The following ZNF208 variants were observed in gnomAD, a reference collection of about 807,000 sequenced individuals.
ZNF208 encodes zinc finger protein 95.
A neutral mutation model predicts 12.1 loss-of-function variants in ZNF208; 10 were observed. The ratio of observed to expected loss-of-function variants is 0.83; its 90% CI spans 0.51 to 1.40. The LOEUF (loss-of-function observed/expected upper bound fraction) is 1.40, where lower values mean the gene tolerates loss of function less well. ZNF208 is among the 40% of genes most tolerant of loss of function. ZNF208 has a pLI of 0.00. For synonymous variants in ZNF208, 497 were observed against 488.4 expected (o/e 1.02, Z -0.23); for missense variants, 1,652 against 1,485.0 (o/e 1.11, Z -1.85).
In ZNF208 at chr19:21,998,407, T is replaced by A. The variant is rs767015292; in HGVS notation, c.4-9498A>T. ...CTCCTGACCTCGTGATCCACCTGCC[T>A]CGGCCTCCCAAGTGCTGGGATTACA... On this transcript the variant is annotated intron_variant, in intron 1 of 3. Transcript: ENST00000397126. The A allele has an allele frequency of 7.2e-4, 110 of 152,802 alleles. 1 individual carries two copies. In the Middle Eastern group the frequency reaches 0.01, roughly 14 times the overall value. The allele number at this position is 152,802 out of a possible 1,614,324, so 9.5% of individuals were successfully genotyped here. A position where few individuals can be genotyped will look rare whatever the true frequency, so the allele number is the denominator to read the frequency against.
Position 21,970,847 on chromosome 19 carries a change from TTCAC to T in ZNF208, c.*340_*343del, listed in dbSNP as rs1199373770. On this transcript the variant is annotated 3_prime_UTR_variant, in exon 4 of 4. Transcript: ENST00000397126. ...ACCAGCTGAAGGCTTTGCCACTTTCTTCACATTTGTAGGGTTTCTCTCCAGTATG... is the reference window on the plus strand; with the variant it reads ...ACCAGCTGAAGGCTTTGCCACTTTCTATTTGTAGGGTTTCTCTCCAGTATG... The T allele has an allele frequency of 2.7e-6, 4 of 1,500,966 alleles. No homozygotes were observed. In the East Asian group the frequency reaches 9.1e-5, roughly 34 times the overall value. The allele number at this position is 1,500,966 out of a possible 1,614,324, so 93.0% of individuals were successfully genotyped here. A position where few individuals can be genotyped will look rare whatever the true frequency, so the allele number is the denominator to read the frequency against.
At position 21,971,860 on chromosome 19, in the gene ZNF208, T is replaced by A. The variant is rs752001805; in HGVS notation, c.3174A>T (p.Lys1058Asn). ...KATHAGEKPY[K>N]CEECGKAFSW... ...TGAAGGCTTTGCCACATTCTTCACA[T>A]TTGTAGGGTTTTTCTCCAGCATGAG... The change falls in exon 4 of 4, where the codon AAA (lysine) becomes AAT (asparagine). Residue 1058 changes from lysine (K) to asparagine (N), a missense_variant. Transcript: ENST00000397126. 1.1e-5 allele frequency: 17 copies of A among 1,613,468 alleles called. No homozygotes were observed. Among genetic ancestry groups the A allele is most frequent in the South Asian group, 5.5e-5 (5 of 90,980 alleles).
chr19:21,945,124 C>T (rs937389296), intron 4 of ZNF208, among the ~76,000 whole-genome samples: 3 of 152,236 alleles, frequency 2.0e-5, no homozygotes, highest in African/African-American at 7.2e-5. Context: ...CTACTGTGTC[C>T]GTGCATCAAG....
Position 21,971,392 on chromosome 19 carries a change from A to G in ZNF208, c.3642T>C (p.Tyr1214=). 1.3e-6 allele frequency: 2 copies of G among 1,565,834 alleles called. No homozygotes were observed. ...TCTCTCCAGTATGAATTTTCTTGTG[A>G]TATCTAAGGGTTGAGGGCCACTTAT... ...KAYKWPSTLR[Y]HKKIHTGEKP... Residue 1214 remains tyrosine, a synonymous_variant, in exon 4 of 4, where the codon TAT becomes TAC. Transcript: ENST00000397126.
At chr19:21,964,835 G>T (rs999043325), downstream of ZNF208, among the ~76,000 whole-genome samples, 2 of 151,714 alleles carry the variant, frequency 1.3e-5, no homozygotes, top group African/African-American at 4.8e-5. Context: ...AAAAAGATTG[G>T]AATTACTGAT....
intron 1 of ZNF208, among the ~76,000 whole-genome samples, chr19:22,004,112 G>A (rs1203732119): frequency 6.6e-6 from 1 of 152,122 alleles, no homozygotes; most frequent in Non-Finnish European, 1.5e-5. Context: ...CTGAGAGGTT[G>A]AGGTTTCAGT....
chr19:21,987,130 C>G, intron 3 of ZNF208, 86 bp downstream of exon 3: 1 of 1,379,948 alleles, frequency 7.2e-7, no homozygotes, highest in Non-Finnish European at 9.8e-7. Flanking sequence ...TCTTTTGGAA[C>G]ACAGCTTCCA....
At chr19:21,986,372 T>G (rs1278513394) in intron 3 of ZNF208, among the ~76,000 whole-genome samples, 1 of 152,020 alleles carries the variant, frequency 6.6e-6, no homozygotes, top group Admixed American at 6.6e-5. Context: ...ACACTTAAAC[T>G]ATCTGATAAA....
chr19:21,954,453 T>C (rs1486376905), intron 4 of ZNF208, among the ~76,000 whole-genome samples: 1 of 152,168 alleles, frequency 6.6e-6, no homozygotes, highest in African/African-American at 2.4e-5. Context: ...CTCCCATTAT[T>C]ATTGTGTGGG....
downstream of ZNF208, among the ~76,000 whole-genome samples, chr19:21,961,275 CA>C (rs1429800727): frequency 1.3e-5 from 2 of 152,118 alleles, no homozygotes; most frequent in Admixed American, 1.3e-4. Context: ...ACAAATCCAG[CA>C]AGTTTTTATT....
Position 21,971,632 on chromosome 19 carries a change from A to C in ZNF208, c.3402T>G (p.Ile1134Met), listed in dbSNP as rs1479240360. The C allele has an allele frequency of 1.9e-6, 3 of 1,613,090 alleles. No homozygotes were observed. In the South Asian group the frequency reaches 3.3e-5, roughly 18 times the overall value. The change falls in exon 4 of 4, where the codon ATT (isoleucine) becomes ATG (methionine). Residue 1134 changes from isoleucine (I) to methionine (M), a missense_variant. This residue lies in a region of ZNF208 where 1,239 missense variants were observed against 1,086.2 expected (regional missense o/e 1.14). Coordinates refer to ENST00000397126, the MANE Select transcript of ZNF208 (RefSeq NM_007153.3). ...ATTTGTAGGGTTTCTCTCCAGTATG[A>C]ATTACCTTATGTTTAGTAAGGATTG... ...TFSILTKHKVIHTGEKPYKCE... is the reference protein window; with the variant it reads ...TFSILTKHKVMHTGEKPYKCE...
intron 4 of ZNF208, among the ~76,000 whole-genome samples, chr19:21,950,648 C>A (rs1008655603): frequency 4.6e-5 from 7 of 152,126 alleles, no homozygotes; most frequent in African/African-American, 1.4e-4. Flanking sequence ...CATCTGCCAC[C>A]ACACCCAGCT....
chr19:21,955,002 C>T (rs1182967021), intron 4 of ZNF208, among the ~76,000 whole-genome samples: 1 of 152,202 alleles, frequency 6.6e-6, no homozygotes, highest in East Asian at 1.9e-4. Flanking sequence ...GTGCTTCCTT[C>T]AGGAGCTCTT....
intron 3 of ZNF208, among the ~76,000 whole-genome samples, chr19:21,980,542 C>T (rs1162711710): frequency 1.3e-5 from 2 of 152,066 alleles, no homozygotes; most frequent in Non-Finnish European, 2.9e-5. Flanking sequence ...ACACAACACA[C>T]CAGAATCTCC....
At chr19:22,005,973 G>C (rs976687406) in intron 1 of ZNF208, among the ~76,000 whole-genome samples, 1 of 152,030 alleles carries the variant, frequency 6.6e-6, no homozygotes, top group Non-Finnish European at 1.5e-5. Flanking sequence ...AAAACACTCT[G>C]CATATTTTCT....
chr19:21,961,096 T>G (rs936423507), downstream of ZNF208, among the ~76,000 whole-genome samples: 1 of 152,204 alleles, frequency 6.6e-6, no homozygotes, highest in African/African-American at 2.4e-5. Flanking sequence ...AGAAGTCAAT[T>G]GTTATTGGGG....
In ZNF208 at chr19:21,993,527, T is replaced by A. The variant is rs544567372; in HGVS notation, c.4-4618A>T. Among the ~76,000 whole-genome samples the A allele has an allele frequency of 3.5e-4, 54 of 152,218 alleles. No individual in the cohort carries two copies. The Middle Eastern group carries it at 0.01, about 29-fold the overall frequency. On this transcript the variant is annotated intron_variant, in intron 1 of 3. Transcript: ENST00000397126. ...AAGCCTGGGCTGATAACTCCTTAAG[T>A]AAGCATTTCCTCTCAAGCTCTAATG...
At chr19:21,956,436 G>A (rs1359429062) in intron 4 of ZNF208, among the ~76,000 whole-genome samples, 7 of 152,176 alleles carry the variant, frequency 4.6e-5, no homozygotes, top group Non-Finnish European at 8.8e-5. Context: ...GCCCCTAGAG[G>A]TGGAATCTAC....
intron 4 of ZNF208, among the ~76,000 whole-genome samples, chr19:21,952,404 G>A (rs756452252): frequency 4.6e-5 from 7 of 152,176 alleles, no homozygotes; most frequent in South Asian, 2.1e-4. Flanking sequence ...AGTAGAGGCC[G>A]ACAGATACCT....
Sources: gnomAD v4.1 joint callset for allele counts (sites outside exome capture counted in the v4.1 genomes callset) on GRCh38, gnomAD v4.1.1 for gene constraint, gnomAD v4.1.1 regional missense constraint, MANE v1.5 for transcripts, NCBI Gene and HGNC (gene_info 2026-07-23, HGNC 2026-07-21) for gene names.